Variants in MED13 observed in about 807,000 individuals in gnomAD.
MED13 encodes the protein mediator of RNA polymerase II transcription subunit 13.
MED13 carries 23 observed loss-of-function variants against 225.2 expected under a neutral mutation model. The observed-to-expected ratio is 0.10, with a 90% CI of 0.07 to 0.14. The LOEUF (loss-of-function observed/expected upper bound fraction) is 0.14. Among genes scored for constraint, MED13 ranks in the 10% least tolerant of loss-of-function variants. MED13 has a pLI of 1.00. For synonymous variants in MED13, 942 were observed against 889.2 expected (o/e 1.06, Z -1.06); for missense variants, 2,197 against 2,594.5 (o/e 0.85, Z 3.33).
intron 23 of MED13, among the ~76,000 whole-genome samples, chr17:61,959,542 T>C (rs1211432149): frequency 1.3e-5 from 2 of 152,104 alleles, no homozygotes; most frequent in Non-Finnish European, 2.9e-5. Context: ...AGGTTTATAA[T>C]ATAAAGCTTA....
At chr17:62,023,015 T>C (rs533004317) in intron 8 of MED13, among the ~76,000 whole-genome samples, 1 of 152,134 alleles carries the variant, frequency 6.6e-6, no homozygotes, top group South Asian at 2.1e-4. Flanking sequence ...AAAAAAATAA[T>C]AATATTTATG....
chr17:61,944,809 G>A lies in MED13; in HGVS notation c.*1659C>T, dbSNP rs554984109. ...GCTTCCAAGAAAGCTAGGTAGACTC[G>A]GCGACTGTGAATTCAAGTCAGCAAT... On this transcript the variant is annotated 3_prime_UTR_variant, in exon 30 of 30. Coordinates refer to ENST00000397786, the MANE Select transcript of MED13 (RefSeq NM_005121.3). The A allele has an allele frequency of 1.3e-5, 2 of 152,530 alleles. No individual in the cohort carries two copies. The highest frequency in any genetic ancestry group is 2.9e-5 in the Non-Finnish European group (2 of 68,002). 9.4% of individuals were successfully genotyped at this position (152,530 alleles called of 1,614,324 possible). A position where few individuals can be genotyped will look rare whatever the true frequency, so the allele number is the denominator to read the frequency against.
At chr17:62,026,328 A>G (rs2080701694) in intron 8 of MED13, among the ~76,000 whole-genome samples, 1 of 152,152 alleles carries the variant, frequency 6.6e-6, no homozygotes, top group African/African-American at 2.4e-5. Flanking sequence ...AAAGCGTGAC[A>G]GTTTTGTCAT....
intron 2 of MED13, among the ~76,000 whole-genome samples, chr17:62,059,399 A>G (rs909043447): frequency 3.3e-5 from 5 of 152,230 alleles, no homozygotes; most frequent in African/African-American, 9.6e-5. Flanking sequence ...CAAGGGCAAT[A>G]TTATCACCAT....
intron 28 of MED13, 24 bp downstream of exon 28, chr17:61,950,801 G>C (rs2079890388): frequency 6.3e-7 from 1 of 1,593,150 alleles, no homozygotes; most frequent in Non-Finnish European, 8.6e-7. Flanking sequence ...AATTATTTAG[G>C]AACTGGGACA....
At position 61,995,244 on chromosome 17, in the gene MED13, G is replaced by C. The variant is rs2080337345; in HGVS notation, c.2089C>G (p.Pro697Ala). 1 of 1,613,380 alleles carries C rather than the reference G, an allele frequency of 6.2e-7. No homozygotes were observed. The highest frequency in any genetic ancestry group is 8.5e-7 in the Non-Finnish European group (1 of 1,179,724). Residue 697 changes from proline to alanine, a missense_variant, in exon 10 of 30, where the codon CCA becomes GCA. Physicochemically the swap from Pro to Ala is conservative, Grantham distance 27. Around this residue, in one of 12 missense-constraint regions of MED13, gnomAD observed 884 missense variants for 918.5 expected, o/e 0.96. Coordinates refer to ENST00000397786, the MANE Select transcript of MED13 (RefSeq NM_005121.3). ...SDAEQEPKID[P>A]YAFVEGDEEF... ...TCATCTCCTTCAACAAATGCATATG[G>C]ATCAATTTTAGGTTCTTGTTCTGCA...
chr17:61,963,202 CAAAAAAAAAAAAAAAAAA>C (rs11290002), intron 20 of MED13, among the ~76,000 whole-genome samples: 2 of 55,770 alleles, frequency 3.6e-5, no homozygotes, highest in South Asian at 2.1e-3. Flanking sequence ...TTAAATTTAC[CAAAAAAAAAAAAAAAAAA>C]AAAAAAAAAA....
At chr17:61,993,571 A>C (rs1224633264) in intron 10 of MED13, among the ~76,000 whole-genome samples, 1 of 152,042 alleles carries the variant, frequency 6.6e-6, no homozygotes, top group African/African-American at 2.4e-5. Context: ...CAAAAAGACA[A>C]AATTTCAAGT....
chr17:61,955,762 A>G lies in MED13; in HGVS notation c.5700T>C (p.Gly1900=). 1 of 1,612,630 alleles carries G rather than the reference A, an allele frequency of 6.2e-7. No homozygotes were observed. Among genetic ancestry groups the G allele is most frequent in the Non-Finnish European group, 8.5e-7 (1 of 1,179,650 alleles). Residue 1900 remains glycine, a synonymous_variant, in exon 25 of 30, where the codon GGT becomes GGC. Transcript: ENST00000397786. ...KRLKDMCRMC[G]ISAADSPSIL... is the part of the protein sequence containing the mutation. Reference sequence around the variant, plus strand: ...TGCTAGGGGAGTCTGCAGCAGATATACCACACATTCTACACATGTCTTTGA... The same window carrying G: ...TGCTAGGGGAGTCTGCAGCAGATATGCCACACATTCTACACATGTCTTTGA...
At chr17:61,967,264 A>G (rs547511404) in intron 18 of MED13, among the ~76,000 whole-genome samples, 35 of 152,284 alleles carry the variant, frequency 2.3e-4, no homozygotes, top group Non-Finnish European at 2.9e-4. Flanking sequence ...AATATAATAT[A>G]CAATGTTTCC....
At chr17:62,017,126 G>A (rs1350056292) in intron 8 of MED13, among the ~76,000 whole-genome samples, 1 of 149,996 alleles carries the variant, frequency 6.7e-6, no homozygotes, top group Non-Finnish European at 1.5e-5. Context: ...AAGTGAATAC[G>A]AATGGTTGAT....
intron 9 of MED13, among the ~76,000 whole-genome samples, chr17:61,999,407 T>C (rs2080374077): frequency 6.6e-6 from 1 of 152,208 alleles, no homozygotes; most frequent in Admixed American, 6.5e-5. Context: ...GAAAAAAAGA[T>C]ATAATGTTTC....
Position 61,989,257 on chromosome 17 carries a change from G to A in MED13, c.2264-2129C>T, listed in dbSNP as rs556247807. Among the ~76,000 whole-genome samples the A allele has an allele frequency of 3.3e-5, 5 of 152,084 alleles. No individual in the cohort carries two copies. The South Asian group carries it at 1.0e-3, about 32-fold the overall frequency. On this transcript the variant is annotated intron_variant, in intron 11 of 29. Coordinates refer to ENST00000397786, the MANE Select transcript of MED13 (RefSeq NM_005121.3). ...AATCTCCTGACCTCATGATCCACCTGCCTTGGCCTCCCAAAGTGTTGGGAT... is the reference window on the plus strand; with the variant it reads ...AATCTCCTGACCTCATGATCCACCTACCTTGGCCTCCCAAAGTGTTGGGAT...
chr17:62,015,199 T>C (rs1291972605), intron 8 of MED13, among the ~76,000 whole-genome samples: 1 of 152,210 alleles, frequency 6.6e-6, no homozygotes, highest in Non-Finnish European at 1.5e-5. Context: ...CAAGGTATCA[T>C]AATATTAGGT....
intron 25 of MED13, 48 bp from the exon 26 acceptor site, chr17:61,955,615 T>C (rs893022264): frequency 7.1e-6 from 11 of 1,553,258 alleles, no homozygotes; most frequent in Non-Finnish European, 8.6e-6. Flanking sequence ...GAATAAATTG[T>C]ATATAATACT....
chr17:61,969,833 C>T (rs2143395314), intron 17 of MED13, among the ~76,000 whole-genome samples: 1 of 152,204 alleles, frequency 6.6e-6, no homozygotes, highest in South Asian at 2.1e-4. Flanking sequence ...AACTCCTGAC[C>T]TCAAGTGATC....
At chr17:61,947,315 G>A (rs780010782) in intron 28 of MED13, among the ~76,000 whole-genome samples, 3 of 151,808 alleles carry the variant, frequency 2.0e-5, no homozygotes, top group Admixed American at 2.0e-4. Context: ...TTACACGCAT[G>A]AGCCACTGTG....
intron 14 of MED13, 50 bp from the exon 15 acceptor site, chr17:61,984,417 A>T: frequency 7.4e-7 from 1 of 1,344,514 alleles, no homozygotes; most frequent in Non-Finnish European, 1.0e-6. Flanking sequence ...CTAGGAGGAA[A>T]AAATAAATAA....
At chr17:62,030,217 C>A (rs1488535710) in intron 6 of MED13, 8 of 471,540 alleles carry the variant, frequency 1.7e-5, no homozygotes, top group Non-Finnish European at 2.9e-5. Flanking sequence ...TGTAACCTAC[C>A]ACTCTCAGTA....
Sources: allele counts gnomAD v4.1 joint callset (sites outside exome capture counted in the v4.1 genomes callset), GRCh38; gene constraint gnomAD v4.1.1; regional missense constraint gnomAD v4.1.1; transcripts MANE v1.5; gene names NCBI Gene and HGNC (gene_info 2026-07-23, HGNC 2026-07-21).